The following GRK5 variants were observed in gnomAD, a reference collection of about 807,000 sequenced individuals.
The protein encoded by GRK5 is g protein-coupled receptor kinase GRK5.
A neutral mutation model predicts 78.4 loss-of-function variants in GRK5; 40 were observed. The observed-to-expected ratio is 0.51, with a 90% CI of 0.40 to 0.66. GRK5 has a LOEUF of 0.66. GRK5 is among the 30% of genes least tolerant of loss of function. GRK5 has a pLI of 0.00. For synonymous variants in GRK5, 289 were observed against 296.8 expected, an observed-to-expected ratio of 0.97 and a Z score of 0.27; for missense variants, 598 against 759.9, an observed-to-expected ratio of 0.79 and a Z score of 2.50.
chr10:119,318,301 A>G (rs1850525775), intron 1 of GRK5, among the ~76,000 whole-genome samples: 1 of 152,238 alleles, frequency 6.6e-6, no homozygotes, highest in Non-Finnish European at 1.5e-5. Flanking sequence ...AAACGGGTTC[A>G]ATACTAGGAC....
chr10:119,262,963 A>G (rs1159913859), intron 1 of GRK5, among the ~76,000 whole-genome samples: 1 of 152,210 alleles, frequency 6.6e-6, no homozygotes, highest in Non-Finnish European at 1.5e-5. Context: ...TTCTATGGTC[A>G]AAGTTGTTGG....
At chr10:119,260,449 A>G (rs1849363729) in intron 1 of GRK5, among the ~76,000 whole-genome samples, 1 of 131,826 alleles carries the variant, frequency 7.6e-6, no homozygotes, top group South Asian at 2.3e-4. Flanking sequence ...GGTGTTTCTC[A>G]CAGAGGGGGA....
chr10:119,430,526 C>T lies in GRK5; in HGVS notation c.597+88C>T, dbSNP rs1852794147. 1 of 1,262,768 alleles carries T rather than the reference C, an allele frequency of 7.9e-7. No individual in the cohort carries two copies. The highest frequency in any genetic ancestry group is 1.1e-6 in the Non-Finnish European group (1 of 885,840). The allele number at this position is 1,262,768 out of a possible 1,614,324, so 78.2% of individuals were successfully genotyped here. A position where few individuals can be genotyped will look rare whatever the true frequency, so the allele number is the denominator to read the frequency against. On this transcript the variant is annotated intron_variant, in intron 7 of 15. Transcript: ENST00000392870. This position sits in a 1 kb window ranked among gnomAD's most constrained non-coding sequence, Gnocchi z 4.5. ...TCTAAATCAACCTAAAGGGTTGGCC[C>T]ACGGGTCCCCCGGGGGCACCAGTGG...
In GRK5 at chr10:119,308,564, C is replaced by T. The variant is rs183596909; in HGVS notation, c.53-17952C>T. Reference sequence around the variant, plus strand: ...GCTTGAAGGGAAAGGTGAACACAGTCGGGATGACAAAGTTAGGAGGCGTGT... The same window carrying T: ...GCTTGAAGGGAAAGGTGAACACAGTTGGGATGACAAAGTTAGGAGGCGTGT... On this transcript the variant is annotated intron_variant, in intron 1 of 15. Transcript: ENST00000392870. Among the ~76,000 whole-genome samples, 28 of 152,318 alleles carry T rather than the reference C, an allele frequency of 1.8e-4. No individual in the cohort carries two copies. In the East Asian group the frequency reaches 5.2e-3, roughly 28 times the overall value.
chr10:119,324,520 C>T (rs758340807), intron 1 of GRK5, among the ~76,000 whole-genome samples: 3 of 152,112 alleles, frequency 2.0e-5, no homozygotes, highest in African/African-American at 4.8e-5. Flanking sequence ...CCCAGCTACT[C>T]GGGAGGCTGA....
chr10:119,349,022 G>A (rs533517723), intron 2 of GRK5, among the ~76,000 whole-genome samples: 2 of 152,248 alleles, frequency 1.3e-5, no homozygotes, highest in African/African-American at 4.8e-5. Flanking sequence ...GCAATCTTCC[G>A]TCACCCTCCG....
chr10:119,390,343 T>C (rs888059390), intron 3 of GRK5, among the ~76,000 whole-genome samples: 8 of 152,168 alleles, frequency 5.3e-5, no homozygotes, highest in Non-Finnish European at 1.2e-4. Context: ...ACGTCTCACA[T>C]GGCGGGAGAC....
intron 2 of GRK5, among the ~76,000 whole-genome samples, chr10:119,353,873 C>T (rs899793085): frequency 6.6e-6 from 1 of 151,254 alleles, no homozygotes; most frequent in African/African-American, 2.4e-5. Flanking sequence ...TGGAAGTACC[C>T]AGTATATGAG....
intron 1 of GRK5, among the ~76,000 whole-genome samples, chr10:119,273,901 G>A (rs1260250445): frequency 6.6e-6 from 1 of 152,108 alleles, no homozygotes; most frequent in African/African-American, 2.4e-5. Context: ...AGCCTCCCAA[G>A]TAGCTGGGAC....
intron 2 of GRK5, among the ~76,000 whole-genome samples, chr10:119,329,793 A>T (rs905175579): frequency 6.6e-6 from 1 of 151,716 alleles, no homozygotes; most frequent in African/African-American, 2.4e-5. Flanking sequence ...TTGCTGGCAT[A>T]GCTGGTTACT....
intron 1 of GRK5, chr10:119,211,677 A>G (rs561427464): frequency 1.3e-5 from 2 of 152,380 alleles, no homozygotes; most frequent in South Asian, 4.1e-4. Flanking sequence ...CATTTGTCAC[A>G]ATTGCCAAAC....
At chr10:119,419,019 G>A (rs936176718) in intron 4 of GRK5, among the ~76,000 whole-genome samples, 12 of 152,326 alleles carry the variant, frequency 7.9e-5, no homozygotes, top group Non-Finnish European at 1.8e-4. Flanking sequence ...AAGAGCTAGA[G>A]TGCTGCCCAG....
chr10:119,454,629 A>G (rs1371504340), intron 15 of GRK5, among the ~76,000 whole-genome samples: 1 of 152,186 alleles, frequency 6.6e-6, no homozygotes, highest in African/African-American at 2.4e-5. Context: ...ACAGGAGAGG[A>G]AACTGGGAGA....
chr10:119,327,384 G>T (rs1030557262), intron 2 of GRK5, among the ~76,000 whole-genome samples: 8 of 152,156 alleles, frequency 5.3e-5, no homozygotes, highest in African/African-American at 1.9e-4. Context: ...TCTCCCCTCT[G>T]TGCCCTGGGG....
chr10:119,311,474 G>A (rs1283173898), intron 1 of GRK5, among the ~76,000 whole-genome samples: 1 of 152,000 alleles, frequency 6.6e-6, no homozygotes, highest in Non-Finnish European at 1.5e-5. Context: ...GTGGGTGGGG[G>A]CAGGTTGTAG....
At chr10:119,302,895 C>T (rs895351966) in intron 1 of GRK5, among the ~76,000 whole-genome samples, 3 of 152,212 alleles carry the variant, frequency 2.0e-5, no homozygotes, top group Admixed American at 1.3e-4. Context: ...TGTATATGCA[C>T]GCTGTCACTG....
chr10:119,320,370 G>C (rs1284499089), intron 1 of GRK5, among the ~76,000 whole-genome samples: 1 of 152,228 alleles, frequency 6.6e-6, no homozygotes, highest in Non-Finnish European at 1.5e-5. Context: ...TTCAGGTGGT[G>C]ATGAGAGCTG....
chr10:119,394,571 G>C (rs1851989519), intron 3 of GRK5, among the ~76,000 whole-genome samples: 1 of 3,396 alleles, frequency 2.9e-4, no homozygotes, highest in Non-Finnish European at 9.3e-4. Context: ...TTGGGTGTGT[G>C]TGTGTCTGTG....
chr10:119,214,799 G>T (rs1384232163), intron 1 of GRK5, among the ~76,000 whole-genome samples: 1 of 152,226 alleles, frequency 6.6e-6, no homozygotes, highest in Non-Finnish European at 1.5e-5. Flanking sequence ...GGGACTACAG[G>T]TGTGAGCCAC....
Sources: gnomAD v4.1 joint callset for allele counts (sites outside exome capture counted in the v4.1 genomes callset) on GRCh38, gnomAD v4.1.1 for gene constraint, Gnocchi (gnomAD v3.1) non-coding constraint, MANE v1.5 for transcripts, NCBI Gene and HGNC (gene_info 2026-07-23, HGNC 2026-07-21) for gene names.